Variants in PARP12 observed in about 807,000 individuals in gnomAD.
PARP12 encodes protein mono-ADP-ribosyltransferase PARP12.
A neutral mutation model predicts 72.4 loss-of-function variants in PARP12; 59 were observed. That is an observed-to-expected ratio of 0.81 (90% CI 0.66 to 1.01). The LOEUF (loss-of-function observed/expected upper bound fraction) is 1.01. PARP12 is among the 50% of genes least tolerant of loss of function. The pLI is 0.00. For missense variants in PARP12, 851 were observed against 914.0 expected (o/e 0.93, Z 0.89); for synonymous variants, 403 against 371.4 (o/e 1.09, Z -0.98).
intron 5 of PARP12, among the ~76,000 whole-genome samples, chr7:140,045,043 T>C (rs76168086): frequency 1.3e-5 from 2 of 151,678 alleles, no homozygotes; most frequent in Non-Finnish European, 2.9e-5. Flanking sequence ...TTTTTTTTTT[T>C]AATAGAGACA....
Position 140,027,340 on chromosome 7 carries a change from G to A in PARP12, c.1564C>T (p.Pro522Ser), listed in dbSNP as rs1297523469. The A allele has an allele frequency of 1.2e-6, 2 of 1,614,072 alleles. No homozygotes were observed. The highest frequency in any genetic ancestry group is 1.7e-5 in the Admixed American group (1 of 60,008). ...KVWNLFNRTL[P>S]FYFVQKIERV... ...TCAATCTTCTGAACAAAGTAGAAAG[G>A]CAGCGTGCGGTTAAAGAGGTTCCAG... Residue 522 changes from proline (P) to serine (S), a missense_variant, in exon 10 of 12, where the codon CCT becomes TCT. Coordinates refer to ENST00000263549, the MANE Select transcript of PARP12 (RefSeq NM_022750.4).
chr7:140,052,622 C>T (rs1817008915), intron 4 of PARP12, among the ~76,000 whole-genome samples: 1 of 152,042 alleles, frequency 6.6e-6, no homozygotes, highest in Non-Finnish European at 1.5e-5. Flanking sequence ...AGATCCTCTT[C>T]AGATATGTTA....
chr7:140,036,487 A>G (rs1374697462), intron 7 of PARP12, among the ~76,000 whole-genome samples: 1 of 152,160 alleles, frequency 6.6e-6, no homozygotes, highest in Admixed American at 6.5e-5. Context: ...CTTCACCGTA[A>G]AGGGCATGTC....
At chr7:140,037,989 A>G (rs1816287574) in intron 6 of PARP12, 133 bp from the exon 7 acceptor site, 3 of 1,454,610 alleles carry the variant, frequency 2.1e-6, no homozygotes, top group African/African-American at 2.8e-5. Flanking sequence ...GAGGCCAGGG[A>G]GCATGGTATG....
chr7:140,059,089 C>G, intron 1 of PARP12, among the ~76,000 whole-genome samples: 1 of 148,354 alleles, frequency 6.7e-6, no homozygotes, highest in East Asian at 2.0e-4. Flanking sequence ...GAGCGAGACT[C>G]TGTCTCAAAA....
At chr7:140,054,974 C>A (rs1212020353) in intron 3 of PARP12, among the ~76,000 whole-genome samples, 1 of 152,200 alleles carries the variant, frequency 6.6e-6, no homozygotes, top group Non-Finnish European at 1.5e-5. Flanking sequence ...CTTGCCAGAT[C>A]CAGGACTCCA....
Position 140,027,288 on chromosome 7 carries a change from T to G in PARP12, c.1616A>C (p.Glu539Ala). ...AGCCCCAACGCACCACTGGTAGACT[T>G]CCCAGAGGGCCAGGTTCTGTACTCG... ...IERVQNLALW[E>A]VYQWQKGQMQ... is the part of the protein sequence containing the mutation. Residue 539 changes from glutamate to alanine, a missense_variant, in exon 10 of 12, where the codon GAA becomes GCA. Transcript: ENST00000263549. The G allele has an allele frequency of 6.2e-7, 1 of 1,613,498 alleles. No homozygotes were observed. Among genetic ancestry groups the G allele is most frequent in the African/African-American group, 1.3e-5 (1 of 74,920 alleles).
At chr7:140,029,407 G>A (rs1485695460) in intron 8 of PARP12, among the ~76,000 whole-genome samples, 2 of 152,210 alleles carry the variant, frequency 1.3e-5, no homozygotes, top group Admixed American at 6.5e-5. Context: ...TTAAGTTTCA[G>A]AATACACTGT....
At chr7:140,033,426 G>T in intron 8 of PARP12, 3 of 985,390 alleles carry the variant, frequency 3.0e-6, no homozygotes, top group Non-Finnish European at 3.6e-6. Flanking sequence ...CGAACAGAAG[G>T]TGCAGCCAGC....
intron 5 of PARP12, among the ~76,000 whole-genome samples, chr7:140,042,199 G>C (rs1321246190): frequency 6.6e-6 from 1 of 152,220 alleles, no homozygotes; most frequent in Non-Finnish European, 1.5e-5. Flanking sequence ...GTGTGAGCCA[G>C]ACCCTGCATT....
intron 7 of PARP12, among the ~76,000 whole-genome samples, chr7:140,036,864 T>C (rs1215144283): frequency 6.6e-6 from 1 of 152,018 alleles, no homozygotes; most frequent in Non-Finnish European, 1.5e-5. Flanking sequence ...TTGGAGGAAC[T>C]GGCCAAAGGG....
chr7:140,040,755 A>C (rs1460212370), intron 6 of PARP12, among the ~76,000 whole-genome samples: 4 of 152,144 alleles, frequency 2.6e-5, no homozygotes, highest in African/African-American at 9.7e-5. Context: ...GTTCTTTATC[A>C]ATGGTGCCTT....
intron 7 of PARP12, among the ~76,000 whole-genome samples, chr7:140,036,995 G>A (rs565362244): frequency 6.6e-6 from 1 of 152,170 alleles, no homozygotes; most frequent in African/African-American, 2.4e-5. Flanking sequence ...CCTACCATCC[G>A]TTAAACCCAT....
At position 140,062,511 on chromosome 7, in the gene PARP12, CG is replaced by C; in HGVS notation, c.326+10del. 8 of 1,537,160 alleles carry C rather than the reference CG, an allele frequency of 5.2e-6. No homozygotes were observed. Among genetic ancestry groups the C allele is most frequent in the Non-Finnish European group, 7.0e-6 (8 of 1,146,310 alleles). ...CCTCCGCCCGCCGTCGCTCCCGGCG[CG>C]GCGCCTTACCCGGCTCTCAGGAACT... is the stretch of plus-strand genomic sequence containing the variant. On this transcript the variant is annotated intron_variant, in intron 1 of 11. Transcript: ENST00000263549.
chr7:140,048,747 T>C (rs1816837966), intron 4 of PARP12, among the ~76,000 whole-genome samples: 1 of 152,184 alleles, frequency 6.6e-6, no homozygotes, highest in South Asian at 2.1e-4. Context: ...GAAGATATAA[T>C]ATATTCCAAA....
At chr7:140,034,587 T>A in intron 7 of PARP12, 1 of 259,708 alleles carries the variant, frequency 3.9e-6, no homozygotes, top group Non-Finnish European at 7.6e-6. Flanking sequence ...TGAGTGCTTT[T>A]AAATTGTTCC....
intron 2 of PARP12, chr7:140,057,605 T>C: frequency 2.3e-6 from 1 of 433,012 alleles, no homozygotes; most frequent in Non-Finnish European, 4.1e-6. Context: ...GAAGGCCAAA[T>C]ACCACCCTTT....
chr7:140,053,631 G>C (rs2362459), intron 4 of PARP12, among the ~76,000 whole-genome samples: 26 of 151,706 alleles, frequency 1.7e-4, no homozygotes, highest in Non-Finnish European at 2.5e-4. Flanking sequence ...ATATGTGTGT[G>C]TATATATATA....
At chr7:140,044,441 C>T (rs1444869192) in intron 5 of PARP12, among the ~76,000 whole-genome samples, 6 of 152,082 alleles carry the variant, frequency 3.9e-5, no homozygotes, top group Non-Finnish European at 5.9e-5. Flanking sequence ...TGGAGTGACG[C>T]GTCTACAAGC....
Sources: allele counts gnomAD v4.1 joint callset (sites outside exome capture counted in the v4.1 genomes callset), GRCh38; gene constraint gnomAD v4.1.1; transcripts MANE v1.5; gene names NCBI Gene and HGNC (gene_info 2026-07-23, HGNC 2026-07-21).